Variants in STPG2 observed in about 807,000 individuals in gnomAD.
STPG2 encodes the protein sperm-tail PG-rich repeat-containing protein 2.
In STPG2, 56 loss-of-function variants were observed where a neutral mutation model predicts 54.2. The ratio of observed to expected loss-of-function variants is 1.03; its 90% CI spans 0.83 to 1.29. The LOEUF is 1.29. STPG2 is among the 50% of genes most tolerant of loss of function. The pLI, the probability that STPG2 is intolerant of heterozygous loss-of-function variation, is 0.00. For missense variants in STPG2, 596 were observed against 544.9 expected (o/e 1.09, Z -0.93); for synonymous variants, 200 against 181.8 (o/e 1.10, Z -0.81).
intron 10 of STPG2, among the ~76,000 whole-genome samples, chr4:97,594,817 A>G (rs1733239590): frequency 6.6e-6 from 1 of 152,340 alleles, no homozygotes; most frequent in African/African-American, 2.4e-5. Flanking sequence ...CAAGCCAGAA[A>G]AGATTGGGAG....
chr4:97,492,039 T>A (rs1730513962), intron 4 of STPG2, among the ~76,000 whole-genome samples: 1 of 151,392 alleles, frequency 6.6e-6, no homozygotes, highest in Non-Finnish European at 1.5e-5. Flanking sequence ...GCCAATAAAG[T>A]ATGATTTACA....
Position 98,128,105 on chromosome 4 carries a change from T to C in STPG2, c.387+323A>G, listed in dbSNP as rs558544488. On this transcript the variant is annotated intron_variant, in intron 3 of 10. Coordinates refer to ENST00000295268, the MANE Select transcript of STPG2 (RefSeq NM_174952.3). ...GGCCTACAAAAACTTCCAAGCATAA[T>C]TCCCCATCCTCTTCTGCCAGCTTGA... 1.7e-3 allele frequency among the ~76,000 whole-genome samples: 260 copies of C among 152,192 alleles called. 2 individuals carry two copies. The highest frequency in any genetic ancestry group is 5.9e-3 in the African/African-American group (243 of 41,538).
intron 9 of STPG2, among the ~76,000 whole-genome samples, chr4:97,740,751 T>C (rs1725197059): frequency 6.6e-6 from 1 of 152,084 alleles, no homozygotes; most frequent in Non-Finnish European, 1.5e-5. Flanking sequence ...TGCTCATGAG[T>C]AGGAAGAATC....
rs151315721 is a variant in STPG2 at position 98,140,595 on chromosome 4, A to C, written c.109+2447T>G. Among the ~76,000 whole-genome samples the C allele has an allele frequency of 8.5e-5, 13 of 152,282 alleles. No individual in the cohort carries two copies. The East Asian group carries it at 2.5e-3, about 29-fold the overall frequency. On this transcript the variant is annotated intron_variant, in intron 1 of 10. Coordinates refer to ENST00000295268, the MANE Select transcript of STPG2 (RefSeq NM_174952.3). ...ATCAACAGGAGTAGTCAGGGAGAAA[A>C]GAGTCTAGAATAATTCCAAAACTTA...
rs115634776 is a variant in STPG2 at position 97,764,070 on chromosome 4, T to C, written c.1205-51256A>G. On this transcript the variant is annotated intron_variant, in intron 9 of 10. Transcript: ENST00000295268. The stretch of plus-strand genomic sequence containing the variant: ...GAATCACAGAACATGGTAGAGCTTC[T>C]GCTTGGATCCCTCTTCAAATCCAAC... 6.0e-3 allele frequency among the ~76,000 whole-genome samples: 913 copies of C among 151,286 alleles called. 10 individuals are homozygous for C. The highest frequency in any genetic ancestry group is 0.021 in the African/African-American group (872 of 41,214).
Position 97,568,109 on chromosome 4 carries a change from A to G in STPG2, c.1321-8992T>C, listed in dbSNP as rs188663501. Among the ~76,000 whole-genome samples, 366 of 152,316 alleles carry G rather than the reference A, an allele frequency of 2.4e-3. 5 individuals carry two copies. Among genetic ancestry groups the G allele is most frequent in the Non-Finnish European group, 3.2e-3 (220 of 68,038 alleles). The stretch of plus-strand genomic sequence containing the variant: ...CATTTCAAATGAATAACATAGCCAC[A>G]CTGAGAGGGAAAAACAAAAACATAA... On this transcript the variant is annotated intron_variant, in intron 10 of 10. Coordinates refer to ENST00000295268, the MANE Select transcript of STPG2 (RefSeq NM_174952.3).
intron 9 of STPG2, among the ~76,000 whole-genome samples, chr4:97,739,335 C>T (rs1578522267): frequency 6.6e-6 from 1 of 152,036 alleles, no homozygotes; most frequent in South Asian, 2.1e-4. Flanking sequence ...CATTCAAAAG[C>T]TAGCAGAAGG....
At position 97,534,051 on chromosome 4, in the gene STPG2, C is replaced by T. The variant is rs145763036; in HGVS notation, c.462+178648G>A. On this transcript the variant is annotated intron_variant, in intron 4 of 4. Coordinates refer to the STPG2 transcript ENST00000522676. ...CAACATATGAGAGTTCCAATTCTTCCGCATTGTAACCAACACTTCATTTGT... is the reference window on the plus strand; with the variant it reads ...CAACATATGAGAGTTCCAATTCTTCTGCATTGTAACCAACACTTCATTTGT... Among the ~76,000 whole-genome samples the T allele has an allele frequency of 7.6e-4, 115 of 152,086 alleles. 1 individual carries two copies. Among genetic ancestry groups the T allele is most frequent in the African/African-American group, 2.0e-3 (82 of 41,514 alleles).
At chr4:97,931,115 C>G (rs1732530125) in intron 8 of STPG2, among the ~76,000 whole-genome samples, 1 of 152,174 alleles carries the variant, frequency 6.6e-6, no homozygotes, top group African/African-American at 2.4e-5. Context: ...AATATAGGAT[C>G]ATGTCATCTG....
intron 10 of STPG2, among the ~76,000 whole-genome samples, chr4:97,563,938 T>C (rs1306432698): frequency 1.3e-5 from 2 of 152,214 alleles, no homozygotes; most frequent in Non-Finnish European, 2.9e-5. Flanking sequence ...GTTCTGTAGA[T>C]GTCTACTAGG....
At chr4:97,610,636 AG>A (rs1323868486) in intron 10 of STPG2, among the ~76,000 whole-genome samples, 6 of 152,080 alleles carry the variant, frequency 3.9e-5, no homozygotes. Context: ...AAGTGAAAGC[AG>A]GAGATCCGGC....
chr4:97,895,629 T>C (rs567734170), intron 8 of STPG2, among the ~76,000 whole-genome samples: 2 of 151,944 alleles, frequency 1.3e-5, no homozygotes, highest in Non-Finnish European at 3.0e-5. Context: ...CATGCTGGCA[T>C]AAGAATTCTG....
intron 10 of STPG2, among the ~76,000 whole-genome samples, chr4:97,680,532 G>T (rs1413451525): frequency 6.6e-6 from 1 of 152,100 alleles, no homozygotes; most frequent in Non-Finnish European, 1.5e-5. Context: ...ATTTTGGGCT[G>T]AGACAATGGG....
At chr4:97,950,846 T>C (rs1001510598) in intron 7 of STPG2, among the ~76,000 whole-genome samples, 1 of 152,290 alleles carries the variant, frequency 6.6e-6, no homozygotes, top group African/African-American at 2.4e-5. Context: ...ATTGCCTTTG[T>C]AGGACTAACA....
intron 5 of STPG2, among the ~76,000 whole-genome samples, chr4:98,017,325 G>A (rs1389701179): frequency 6.6e-6 from 1 of 152,246 alleles, no homozygotes; most frequent in Non-Finnish European, 1.5e-5. Context: ...TGTACCCACT[G>A]ATGTTGGCCT....
intron 8 of STPG2, among the ~76,000 whole-genome samples, chr4:97,914,358 A>T (rs1246384614): frequency 6.6e-6 from 1 of 152,214 alleles, no homozygotes; most frequent in Non-Finnish European, 1.5e-5. Flanking sequence ...AACTTAAGAA[A>T]ACAGGCATCA....
At chr4:97,915,500 G>T (rs1560587537) in intron 8 of STPG2, among the ~76,000 whole-genome samples, 1 of 152,076 alleles carries the variant, frequency 6.6e-6, no homozygotes, top group Non-Finnish European at 1.5e-5. Flanking sequence ...TGTTCCCTAT[G>T]ATTCAAGGCA....
chr4:98,105,416 A>C (rs1275106163), intron 5 of STPG2, among the ~76,000 whole-genome samples: 1 of 152,110 alleles, frequency 6.6e-6, no homozygotes, highest in Admixed American at 6.5e-5. Flanking sequence ...AGAGCGGCTG[A>C]GGGTTGTGGT....
Position 97,562,192 on chromosome 4 carries a change from T to A in STPG2, c.1321-3075A>T, listed in dbSNP as rs539289287. 2.0e-5 allele frequency among the ~76,000 whole-genome samples: 3 copies of A among 152,202 alleles called. No individual in the cohort carries two copies. In the East Asian group the frequency reaches 5.8e-4, roughly 29 times the overall value. On this transcript the variant is annotated intron_variant, in intron 10 of 10. Coordinates refer to ENST00000295268, the MANE Select transcript of STPG2 (RefSeq NM_174952.3). The stretch of plus-strand genomic sequence containing the variant: ...AGGTGGATTCCTAGGTATTTTATTC[T>A]CTTTGAAGCAATTGTGAATGGGAGT...
Sources: allele counts gnomAD v4.1 joint callset (sites outside exome capture counted in the v4.1 genomes callset), GRCh38; gene constraint gnomAD v4.1.1; transcripts MANE v1.5; gene names NCBI Gene and HGNC (gene_info 2026-07-23, HGNC 2026-07-21).